Variants in SMAD9 observed in about 807,000 individuals in gnomAD.
SMAD9 encodes the protein MAD homolog 9.
In SMAD9, 36 loss-of-function variants were observed where a neutral mutation model predicts 46.1. The ratio of observed to expected loss-of-function variants is 0.78; its 90% CI spans 0.60 to 1.03. SMAD9 has a LOEUF of 1.03. Among genes scored for constraint, SMAD9 ranks in the 50% least tolerant of loss-of-function variants. The pLI is 0.00. For missense variants in SMAD9, 572 were observed against 599.8 expected (o/e 0.95, Z 0.48); for synonymous variants, 245 against 237.1 (o/e 1.03, Z -0.31).
chr13:36,914,307 C>A (rs2058682529), intron 1 of SMAD9, among the ~76,000 whole-genome samples: 1 of 152,168 alleles, frequency 6.6e-6, no homozygotes, highest in Non-Finnish European at 1.5e-5. Flanking sequence ...ATCATGAGGT[C>A]AGGAGATCGA....
intron 5 of SMAD9, among the ~76,000 whole-genome samples, chr13:36,858,076 T>C (rs2058143938): frequency 1.3e-5 from 2 of 152,118 alleles, no homozygotes; most frequent in Non-Finnish European, 2.9e-5. Context: ...TGTAGAGCGA[T>C]AGATGAAAAA....
intron 1 of SMAD9, among the ~76,000 whole-genome samples, chr13:36,902,793 T>C (rs994566947): frequency 1.3e-5 from 2 of 152,108 alleles, no homozygotes; most frequent in South Asian, 2.1e-4. Flanking sequence ...TATTTTACTT[T>C]TTAAAAATTA....
intron 1 of SMAD9, among the ~76,000 whole-genome samples, chr13:36,890,550 C>T (rs896462364): frequency 4.6e-5 from 7 of 152,134 alleles, no homozygotes; most frequent in African/African-American, 1.7e-4. Context: ...TTCTAAATAT[C>T]AGACAATACC....
At chr13:36,883,945 C>T (rs1025094216) in intron 1 of SMAD9, among the ~76,000 whole-genome samples, 1 of 152,102 alleles carries the variant, frequency 6.6e-6, no homozygotes, top group Non-Finnish European at 1.5e-5. Flanking sequence ...CAGATCAAGA[C>T]AAGGCTCAGT....
rs2058500507 is a variant in SMAD9, at chr13:36,893,038, GAAT to G, written c.-186-13166_-186-13164del. 3.3e-5 allele frequency among the ~76,000 whole-genome samples: 5 copies of G among 152,108 alleles called. No homozygotes were observed. The South Asian group carries it at 1.0e-3, about 31-fold the overall frequency. ...GATTGGCAAGTGTTGATAAGAATGT[GAAT>G]AATAAGAATTTATAGAAATAGTTGG... On this transcript the variant is annotated intron_variant, in intron 1 of 6. Coordinates refer to ENST00000379826, the MANE Select transcript of SMAD9 (RefSeq NM_001127217.3).
At chr13:36,872,557 T>C in intron 3 of SMAD9, 101 bp downstream of exon 3, 4 of 1,338,550 alleles carry the variant, frequency 3.0e-6, no homozygotes, top group South Asian at 2.4e-5. Context: ...TTATACTATA[T>C]GAATGACAGT....
intron 6 of SMAD9, among the ~76,000 whole-genome samples, chr13:36,850,597 T>A (rs969208046): frequency 6.6e-6 from 1 of 152,124 alleles, no homozygotes; most frequent in Non-Finnish European, 1.5e-5. Context: ...CAGGCTAGTC[T>A]TGAACTCCTG....
At chr13:36,919,237 G>C (rs1235629065) in intron 1 of SMAD9, among the ~76,000 whole-genome samples, 1 of 152,122 alleles carries the variant, frequency 6.6e-6, no homozygotes, top group Non-Finnish European at 1.5e-5. Context: ...AATAGTAACG[G>C]GAAAACTTGT....
rs2058379780 is a variant in SMAD9 at position 36,879,402 on chromosome 13, C to G, written c.288G>C (p.Trp96Cys). The change falls in exon 2 of 7, where the codon TGG becomes TGC. Residue 96 changes from tryptophan to cysteine, a missense_variant. Physicochemically the swap from Trp to Cys is radical, Grantham distance 215 (BLOSUM62 -2). Transcript: ENST00000379826. The stretch of plus-strand genomic sequence containing the variant: ...GGTGGGACTGCAGATCCGGCCAGCG[C>G]CACACGCGACAGTAAATCACATGGG... ...GLPHVIYCRV[W>C]RWPDLQSHHE... 1.2e-6 allele frequency: 2 copies of G among 1,613,970 alleles called. No individual in the cohort carries two copies. The highest frequency in any genetic ancestry group is 2.7e-5 in the African/African-American group (2 of 74,952).
At chr13:36,863,071 A>C (rs1328205923) in intron 5 of SMAD9, among the ~76,000 whole-genome samples, 1 of 152,186 alleles carries the variant, frequency 6.6e-6, no homozygotes, top group Non-Finnish European at 1.5e-5. Flanking sequence ...AACTAACTCC[A>C]CAGAGCAAGT....
intron 2 of SMAD9, among the ~76,000 whole-genome samples, chr13:36,878,739 C>T (rs369115725): frequency 2.0e-5 from 3 of 151,614 alleles, no homozygotes; most frequent in Admixed American, 1.3e-4. Flanking sequence ...TTGTTTGGGG[C>T]GGGGGGAGGA....
At chr13:36,854,595 C>T (rs1040534547) in intron 5 of SMAD9, among the ~76,000 whole-genome samples, 5 of 152,118 alleles carry the variant, frequency 3.3e-5, no homozygotes, top group Non-Finnish European at 5.9e-5. Flanking sequence ...TAGTCTCAAA[C>T]TCCCAACCTC....
intron 5 of SMAD9, among the ~76,000 whole-genome samples, chr13:36,858,911 C>A (rs545333694): frequency 6.6e-6 from 1 of 152,254 alleles, no homozygotes; most frequent in African/African-American, 2.4e-5. Flanking sequence ...AGGGTCTCAC[C>A]ATGTTGCCCA....
At chr13:36,870,288 T>C (rs2058278452) in intron 3 of SMAD9, among the ~76,000 whole-genome samples, 1 of 152,184 alleles carries the variant, frequency 6.6e-6, no homozygotes, top group African/African-American at 2.4e-5. Flanking sequence ...GCAACACTAT[T>C]ATCCTCCTGT....
At chr13:36,850,450 G>C (rs1309143784) in intron 6 of SMAD9, among the ~76,000 whole-genome samples, 1 of 152,178 alleles carries the variant, frequency 6.6e-6, no homozygotes, top group South Asian at 2.1e-4. Flanking sequence ...TGCGATCTCA[G>C]CTCACTGCAA....
Position 36,851,848 on chromosome 13 carries a change from CT to C in SMAD9, c.1260+1570del, listed in dbSNP as rs1270582057. 4.1e-6 allele frequency: 4 copies of C among 979,616 alleles called. No individual in the cohort carries two copies. In the African/African-American group the frequency reaches 7.2e-5, roughly 18 times the overall value. The allele number at this position is 979,616 out of a possible 1,614,324, so 60.7% of individuals were successfully genotyped here. A position where few individuals can be genotyped will look rare whatever the true frequency, so the allele number is the denominator to read the frequency against. On this transcript the variant is annotated intron_variant, in intron 6 of 6. Transcript: ENST00000379826. Reference sequence around the variant, plus strand: ...CTTTATGAATGTAAATGCTGCCTATCTGAGAAATGTATCTAGTTATTAGGAA... The same window carrying C: ...CTTTATGAATGTAAATGCTGCCTATCGAGAAATGTATCTAGTTATTAGGAA...
At chr13:36,907,612 A>G (rs1423454358) in intron 1 of SMAD9, among the ~76,000 whole-genome samples, 1 of 152,140 alleles carries the variant, frequency 6.6e-6, no homozygotes, top group Non-Finnish European at 1.5e-5. Flanking sequence ...GAGTCTGAGG[A>G]TGCAATGAGC....
chr13:36,869,157 G>A (rs2058264367), intron 3 of SMAD9, among the ~76,000 whole-genome samples: 1 of 151,970 alleles, frequency 6.6e-6, no homozygotes, highest in South Asian at 2.1e-4. Flanking sequence ...GTTTCCGTTT[G>A]GGGTGATGAA....
intron 1 of SMAD9, among the ~76,000 whole-genome samples, chr13:36,900,884 T>C (rs986151355): frequency 6.6e-6 from 1 of 152,204 alleles, no homozygotes; most frequent in African/African-American, 2.4e-5. Flanking sequence ...CCAAAACATT[T>C]TGATCACTCC....
Sources: allele counts gnomAD v4.1 joint callset (sites outside exome capture counted in the v4.1 genomes callset), GRCh38; gene constraint gnomAD v4.1.1; transcripts MANE v1.5; gene names NCBI Gene and HGNC (gene_info 2026-07-23, HGNC 2026-07-21).